DAO: variants seen among roughly 807,000 people sequenced by gnomAD.
DAO encodes the protein D-amino acid oxidase, also known as D-amino-acid oxidase.
Under a neutral mutation model 50.1 loss-of-function variants are expected in DAO, and 51 were observed. The ratio of observed to expected loss-of-function variants is 1.02; its 90% confidence interval spans 0.81 to 1.29. DAO has a LOEUF of 1.29. Among genes scored for constraint, DAO ranks in the 50% most tolerant of loss-of-function variants. The pLI is 0.00. For synonymous variants in DAO, 160 were observed against 166.2 expected, an observed-to-expected ratio of 0.96 and a Z score of 0.29; for missense variants, 436 against 439.4, an observed-to-expected ratio of 0.99 and a Z score of 0.07.
intron 2 of DAO, among the ~76,000 whole-genome samples, chr12:108,886,064 T>G (rs1399168871): frequency 6.6e-6 from 1 of 151,940 alleles, no homozygotes; most frequent in Non-Finnish European, 1.5e-5. Context: ...ATTTTATCTT[T>G]TTAAATAGAG....
At chr12:108,883,972 GA>G (rs1315464671) in intron 1 of DAO, among the ~76,000 whole-genome samples, 2 of 152,252 alleles carry the variant, frequency 1.3e-5, no homozygotes, top group Non-Finnish European at 2.9e-5. Context: ...GAAGATGAGG[GA>G]AAGTTGAATT....
intron 7 of DAO, 93 bp downstream of exon 7, chr12:108,894,460 C>T: frequency 9.1e-7 from 1 of 1,102,154 alleles, no homozygotes; most frequent in Non-Finnish European, 1.4e-6. Context: ...AAATCAGGAA[C>T]ATCTGTTAGA....
At chr12:108,885,338 G>GCC in intron 2 of DAO, 138 bp downstream of exon 2, 4 of 842,944 alleles carry the variant, frequency 4.7e-6, no homozygotes, top group Non-Finnish European at 7.6e-6. Context: ...GCCAGGCGTG[G>GCC]TGGTTCACGC....
At chr12:108,884,860 G>C (rs1354950109) in intron 1 of DAO, 138 bp from the exon 2 acceptor site, 1 of 790,400 alleles carries the variant, frequency 1.3e-6, no homozygotes, top group African/African-American at 1.7e-5. Flanking sequence ...TCCTCCTAGG[G>C]GTCATCGGGA....
intron 2 of DAO, among the ~76,000 whole-genome samples, chr12:108,886,475 TA>T (rs946782781): frequency 6.6e-6 from 1 of 151,610 alleles, no homozygotes; most frequent in Non-Finnish European, 1.5e-5. Context: ...TCAAACAGAT[TA>T]AAAAAAAATT....
At chr12:108,892,620 C>T (rs1397410691) in intron 5 of DAO, among the ~76,000 whole-genome samples, 1 of 152,166 alleles carries the variant, frequency 6.6e-6, no homozygotes. Context: ...CTCTGAATCT[C>T]ATCGCCTTTG....
rs1213581259 is a variant in DAO, at chr12:108,894,312, C to G, written c.557C>G (p.Ala186Gly). The change falls in exon 7 of 11, where the codon GCT (alanine) becomes GGT (glycine). Residue 186 changes from alanine to glycine, a missense_variant. Transcript: ENST00000228476. ...ATTGTCAACTGCACTGGGGTATGGG[C>G]TGGGGCGCTACAACGAGACCCCCTG... ...DVIVNCTGVW[A>G]GALQRDPLLQ... 6.2e-7 allele frequency: 1 copy of G among 1,614,032 alleles called. No individual in the cohort carries two copies. The highest frequency in any genetic ancestry group is 1.7e-5 in the Admixed American group (1 of 60,010).
chr12:108,889,168 C>G (rs1349620409), intron 3 of DAO, among the ~76,000 whole-genome samples: 4 of 151,498 alleles, frequency 2.6e-5, no homozygotes, highest in Admixed American at 2.6e-4. Flanking sequence ...TGCAGCGGCA[C>G]AATTTCGGCT....
intron 7 of DAO, among the ~76,000 whole-genome samples, chr12:108,896,287 G>A (rs1452029179): frequency 6.6e-6 from 1 of 151,614 alleles, no homozygotes; most frequent in East Asian, 1.9e-4. Flanking sequence ...GCTGGGTGTG[G>A]TGGCAGGTGC....
rs2039423355 is a variant in DAO, at chr12:108,885,216, A to AC, written c.194+16_194+17insC. 6.2e-7 allele frequency: 1 copy of AC among 1,609,298 alleles called. No homozygotes were observed. The highest frequency in any genetic ancestry group is 1.3e-5 in the African/African-American group (1 of 74,910). ...CACAGGAGGCGTGAGTGAGGGTCAC[A>AC]TAGGGTAGCCTGGGGTGCCCATGGA... On this transcript the variant is annotated intron_variant, in intron 2 of 10. Transcript: ENST00000228476.
intron 2 of DAO, among the ~76,000 whole-genome samples, chr12:108,885,708 C>T (rs772368358): frequency 3.9e-5 from 6 of 152,166 alleles, no homozygotes; most frequent in Non-Finnish European, 8.8e-5. Context: ...CCTGTCAATA[C>T]CACATGATTG....
In DAO at chr12:108,897,066, A is replaced by C; in HGVS notation, c.673A>C (p.Asn225His). The change falls in exon 8 of 11, where the codon AAT becomes CAT. Residue 225 changes from asparagine (N) to histidine (H), a missense_variant. Physicochemically the swap from Asn to His is moderately conservative, Grantham distance 68 (BLOSUM62 1). Transcript: ENST00000228476. ...LTHDPERGIY[N>H]SPYIIPGTQT... ...CCATGACCCAGAGAGAGGCATCTAC[A>C]ATTCCCCGTACATCATCCCAGGGTA... 1 of 1,613,740 alleles carries C rather than the reference A, an allele frequency of 6.2e-7. No homozygotes were observed. The highest frequency in any genetic ancestry group is 8.5e-7 in the Non-Finnish European group (1 of 1,179,746).
In DAO at chr12:108,889,516, CAG is replaced by C; in HGVS notation, c.362_363del (p.Glu121AlafsTer29). 1 of 1,613,150 alleles carries C rather than the reference CAG, an allele frequency of 6.2e-7. No individual in the cohort carries two copies. On this transcript the variant is annotated frameshift_variant, in exon 4 of 11. Coordinates refer to ENST00000228476, the MANE Select transcript of DAO (RefSeq NM_001917.5). LOFTEE classifies it high-confidence loss of function. Reference protein sequence around the residue: ...TVLGFRKLTPRELDMFPDYGY... With the variant: ...TVLGFRKLTPXELDMFPDYGY... ...TTCTGGGATTTCGGAAGCTGACCCC[CAG>C]AGAGCTGGATATGTTCCCAGATTAC...
chr12:108,891,189 C>G (rs2039487153), intron 5 of DAO, among the ~76,000 whole-genome samples: 1 of 151,988 alleles, frequency 6.6e-6, no homozygotes, highest in Non-Finnish European at 1.5e-5. Context: ...TGGTTCATAC[C>G]TGTAATCCTA....
chr12:108,883,004 C>A (rs1412824845), intron 1 of DAO, among the ~76,000 whole-genome samples: 1 of 151,950 alleles, frequency 6.6e-6, no homozygotes, highest in Non-Finnish European at 1.5e-5. Flanking sequence ...CAGAGTGAGA[C>A]CTTGTCTCTT....
chr12:108,889,918 A>C (rs896112341), intron 4 of DAO, among the ~76,000 whole-genome samples: 1 of 152,052 alleles, frequency 6.6e-6, no homozygotes, highest in African/African-American at 2.4e-5. Flanking sequence ...CTACAGCCTG[A>C]TGCCTCTCTG....
At chr12:108,896,876 T>C in intron 7 of DAO, 130 bp from the exon 8 acceptor site, 2 of 745,200 alleles carry the variant, frequency 2.7e-6, no homozygotes, top group South Asian at 2.9e-5. Flanking sequence ...ACTTGGGCCA[T>C]AGTGTCATGA....
intron 8 of DAO, 64 bp from the exon 9 acceptor site, chr12:108,898,615 T>A (rs2039587622): frequency 1.8e-6 from 2 of 1,085,178 alleles, no homozygotes; most frequent in Admixed American, 3.4e-5. Flanking sequence ...TTGATGGTAA[T>A]GACCTTTATT....
intron 7 of DAO, 74 bp from the exon 8 acceptor site, chr12:108,896,932 G>C: frequency 9.0e-7 from 1 of 1,110,144 alleles, no homozygotes; most frequent in Non-Finnish European, 1.4e-6. Flanking sequence ...CAGGACATCT[G>C]GCCACAGAGG....
Sources: gnomAD v4.1 joint callset for allele counts (sites outside exome capture counted in the v4.1 genomes callset) on GRCh38, gnomAD v4.1.1 for gene constraint, MANE v1.5 for transcripts, NCBI Gene and HGNC (gene_info 2026-07-23, HGNC 2026-07-21) for gene names.